ARF3: variants seen among roughly 807,000 people sequenced by gnomAD.
The protein encoded by ARF3 is ARF GTPase 3.
Under a neutral mutation model 19.3 loss-of-function variants are expected in ARF3, and 5 were observed. The ratio of observed to expected loss-of-function variants is 0.26; its 90% CI spans 0.14 to 0.54. The LOEUF (loss-of-function observed/expected upper bound fraction) is 0.54. ARF3 is among the 20% of genes least tolerant of loss of function. The pLI, the probability that ARF3 is intolerant of heterozygous loss-of-function variation, is 0.95. For synonymous variants in ARF3, 71 were observed against 89.2 expected, an observed-to-expected ratio of 0.80 and a Z score of 1.15; for missense variants, 77 against 234.2, an observed-to-expected ratio of 0.33 and a Z score of 4.38.
intron 1 of ARF3, among the ~76,000 whole-genome samples, chr12:48,945,466 CAGG>C (rs1240057265): frequency 2.0e-5 from 3 of 151,866 alleles, no homozygotes; most frequent in African/African-American, 4.8e-5. Context: ...GAGGCTGAGG[CAGG>C]AGAATTGCTG....
At position 48,947,500 on chromosome 12, in the gene ARF3, A is replaced by G. The variant is rs920245318; in HGVS notation, c.-93-6312T>C. On this transcript the variant is annotated intron_variant, in intron 1 of 4. Coordinates refer to ENST00000256682, the MANE Select transcript of ARF3 (RefSeq NM_001659.3). ...TTTTTGCATTTTTAGTAGAGACAGG[A>G]TTTCACCATGTTAACCAGGATGGTC... 8.6e-5 allele frequency among the ~76,000 whole-genome samples: 13 copies of G among 152,044 alleles called. No individual in the cohort carries two copies. The East Asian group carries it at 2.1e-3, about 25-fold the overall frequency.
At chr12:48,955,992 C>A (rs2137600653) in intron 1 of ARF3, 1 of 152,296 alleles carries the variant, frequency 6.6e-6, no homozygotes, top group South Asian at 2.1e-4. Context: ...CTATGATAAT[C>A]CACTGTCCCA....
At chr12:48,946,183 T>C (rs537348242) in intron 1 of ARF3, among the ~76,000 whole-genome samples, 7 of 152,328 alleles carry the variant, frequency 4.6e-5, no homozygotes, top group African/African-American at 1.7e-4. Context: ...GTCTTGGTTT[T>C]CCCTGTCCCT....
At chr12:48,955,177 A>G (rs775112219) in intron 1 of ARF3, among the ~76,000 whole-genome samples, 2 of 152,224 alleles carry the variant, frequency 1.3e-5, no homozygotes, top group African/African-American at 2.4e-5. Flanking sequence ...ACACACTACA[A>G]TATGACTCTT....
chr12:48,936,048 G>C lies in ARF3; in HGVS notation c.*2899C>G, dbSNP rs1446651891. ...AATAACCAGTGTGGAGTGGCACTAA[G>C]TTCCTCCATAACCTTACTCTCTATC... is the stretch of plus-strand genomic sequence containing the variant. On this transcript the variant is annotated 3_prime_UTR_variant, in exon 5 of 5. Transcript: ENST00000256682. The C allele has an allele frequency of 6.6e-6, 1 of 152,218 alleles. No homozygotes were observed. The highest frequency in any genetic ancestry group is 1.5e-5 in the Non-Finnish European group (1 of 68,042). 9.4% of individuals were successfully genotyped at this position (152,218 alleles called of 1,614,324 possible).
chr12:48,938,742 C>G lies in ARF3; in HGVS notation c.*205G>C, dbSNP rs1001479031. 2.2e-5 allele frequency: 14 copies of G among 636,660 alleles called. No homozygotes were observed. The highest frequency in any genetic ancestry group is 5.9e-5 in the Admixed American group (2 of 33,702). 39.4% of individuals were successfully genotyped at this position (636,660 alleles called of 1,614,324 possible). ...AATCCAGTAAATTGGAATGACTCAT[C>G]ATCAGGACAGCAATTAGGGATTGGT... On this transcript the variant is annotated 3_prime_UTR_variant, in exon 5 of 5. Transcript: ENST00000256682.
chr12:48,948,008 C>T (rs1221631450), intron 1 of ARF3, among the ~76,000 whole-genome samples: 1 of 150,516 alleles, frequency 6.6e-6, no homozygotes, highest in Non-Finnish European at 1.5e-5. Flanking sequence ...GAGTTCAAGG[C>T]CAGCCTGGGC....
chr12:48,951,066 C>T (rs186749745), intron 1 of ARF3, among the ~76,000 whole-genome samples: 3 of 152,144 alleles, frequency 2.0e-5, no homozygotes, highest in South Asian at 2.1e-4. Context: ...GGATTACAGG[C>T]GTGAGCCACT....
Position 48,938,958 on chromosome 12 carries a change from T to C in ARF3, c.535A>G (p.Asn179Asp). ...GGGCTGTCTGGCTTTCACTTCTTGT[T>C]TTTGAGCTGATTGGCCAGCCAGTCC... ...GLDWLANQLK[N>D]KK Residue 179 changes from asparagine (N) to aspartate (D), a missense_variant, in exon 5 of 5, where the codon AAC (asparagine) becomes GAC (aspartate). By Grantham distance (23) the Asn-to-Asp change is conservative. This residue lies in a region of ARF3 where 53 missense variants were observed against 121.2 expected (regional missense o/e 0.44). Transcript: ENST00000256682. 1 of 1,612,172 alleles carries C rather than the reference T, an allele frequency of 6.2e-7. No homozygotes were observed. Among genetic ancestry groups the C allele is most frequent in the Non-Finnish European group, 8.5e-7 (1 of 1,179,878 alleles).
chr12:48,950,007 G>T (rs1381616012), intron 1 of ARF3, among the ~76,000 whole-genome samples: 2 of 152,170 alleles, frequency 1.3e-5, no homozygotes, highest in East Asian at 1.9e-4. Context: ...GAAAAACTCA[G>T]TTGGGTCCTT....
chr12:48,947,563 C>T (rs907733896), intron 1 of ARF3, among the ~76,000 whole-genome samples: 1 of 152,164 alleles, frequency 6.6e-6, no homozygotes, highest in Admixed American at 6.5e-5. Context: ...ACCTCTGCCC[C>T]CCAAAGTGCT....
rs183331910 is a variant in ARF3 at position 48,949,268 on chromosome 12, C to T, written c.-94+8042G>A. The stretch of plus-strand genomic sequence containing the variant: ...TGAGACAGAGTCTCGCTCTGTCGCC[C>T]GGGTTGCAGTGCAGTGGCGCGATCT... On this transcript the variant is annotated intron_variant, in intron 1 of 4. Coordinates refer to ENST00000256682, the MANE Select transcript of ARF3 (RefSeq NM_001659.3). Among the ~76,000 whole-genome samples the T allele has an allele frequency of 2.8e-3, 425 of 152,280 alleles. 4 individuals carry two copies. The highest frequency in any genetic ancestry group is 2.6e-3 in the Non-Finnish European group (175 of 68,028).
intron 1 of ARF3, among the ~76,000 whole-genome samples, chr12:48,952,277 G>T (rs1166093919): frequency 6.6e-6 from 1 of 152,212 alleles, no homozygotes; most frequent in African/African-American, 2.4e-5. Context: ...CGCCTGGGAA[G>T]GGTCTGGCTT....
At chr12:48,945,577 G>A (rs1057243436) in intron 1 of ARF3, among the ~76,000 whole-genome samples, 7 of 151,700 alleles carry the variant, frequency 4.6e-5, no homozygotes, top group African/African-American at 1.7e-4. Flanking sequence ...AAAAAAATTA[G>A]CTGGGCGTGG....
chr12:48,951,130 A>T (rs1326001930), intron 1 of ARF3, among the ~76,000 whole-genome samples: 2 of 152,202 alleles, frequency 1.3e-5, no homozygotes, highest in East Asian at 3.8e-4. Context: ...TGATTTAATA[A>T]ATCCTCTCAG....
intron 1 of ARF3, among the ~76,000 whole-genome samples, chr12:48,944,453 G>T (rs1940320118): frequency 6.6e-6 from 1 of 152,200 alleles, no homozygotes. Context: ...ACTCAATGTG[G>T]CACTTACTAC....
intron 1 of ARF3, among the ~76,000 whole-genome samples, chr12:48,948,668 G>A (rs1425055480): frequency 2.6e-5 from 4 of 152,176 alleles, no homozygotes; most frequent in South Asian, 2.1e-4. Context: ...AAAATTAGCC[G>A]GGTGTGATGG....
chr12:48,953,980 G>A (rs992918794), intron 1 of ARF3, among the ~76,000 whole-genome samples: 3 of 152,136 alleles, frequency 2.0e-5, no homozygotes, highest in Admixed American at 1.3e-4. Flanking sequence ...TATTAAGATT[G>A]GACTAAATGA....
intron 1 of ARF3, among the ~76,000 whole-genome samples, chr12:48,954,695 C>A (rs907089477): frequency 6.6e-5 from 10 of 152,240 alleles, no homozygotes; most frequent in Admixed American, 6.5e-4. Flanking sequence ...AATTACTATA[C>A]CATTCTGCCT....
Sources: allele counts gnomAD v4.1 joint callset (sites outside exome capture counted in the v4.1 genomes callset), GRCh38; gene constraint gnomAD v4.1.1; regional missense constraint gnomAD v4.1.1; transcripts MANE v1.5; gene names NCBI Gene and HGNC (gene_info 2026-07-23, HGNC 2026-07-21).